The following CNTNAP5 variants were observed in gnomAD, a reference collection of about 807,000 sequenced individuals.
CNTNAP5 encodes the protein contactin associated protein family member 5, also known as contactin-associated protein-like 5.
CNTNAP5 carries 72 observed loss-of-function variants against 150.2 expected under a neutral mutation model. That is an observed-to-expected ratio of 0.48 (90% CI 0.40 to 0.58). The LOEUF is 0.58. CNTNAP5 is among the 20% of genes least tolerant of loss of function. The pLI, the probability that CNTNAP5 is intolerant of heterozygous loss-of-function variation, is 0.00. For synonymous variants in CNTNAP5, 672 were observed against 619.8 expected (o/e 1.08, Z -1.25); for missense variants, 1,636 against 1,626.2 (o/e 1.01, Z -0.10).
At chr2:124,517,022 A>G (rs1694734508) in intron 8 of CNTNAP5, among the ~76,000 whole-genome samples, 3 of 152,188 alleles carry the variant, frequency 2.0e-5, no homozygotes, top group Non-Finnish European at 4.4e-5. Flanking sequence ...CACATGGTGA[A>G]AAAATGTGCT....
At chr2:124,317,224 T>A (rs1183161579) in intron 3 of CNTNAP5, among the ~76,000 whole-genome samples, 1 of 152,148 alleles carries the variant, frequency 6.6e-6, no homozygotes, top group African/African-American at 2.4e-5. Flanking sequence ...GACAACCCAA[T>A]GAATTAATAA....
At chr2:124,403,096 T>C (rs1347691726) in intron 3 of CNTNAP5, among the ~76,000 whole-genome samples, 7 of 152,232 alleles carry the variant, frequency 4.6e-5, no homozygotes, top group Admixed American at 1.3e-4. Flanking sequence ...ACCTCTGTGC[T>C]GCTAGTTCCT....
intron 1 of CNTNAP5, among the ~76,000 whole-genome samples, chr2:124,074,823 CATT>C (rs1444562369): frequency 6.6e-6 from 1 of 152,034 alleles, no homozygotes; most frequent in Admixed American, 6.6e-5. Context: ...CATCTATTGT[CATT>C]ATTATTATGA....
chr2:124,083,829 A>G (rs898538661), intron 1 of CNTNAP5, among the ~76,000 whole-genome samples: 3 of 151,092 alleles, frequency 2.0e-5, no homozygotes, highest in African/African-American at 7.3e-5. Flanking sequence ...TGTTTCAGCT[A>G]TTCTTTTTTT....
At chr2:124,312,649 C>A (rs1573909051) in intron 3 of CNTNAP5, among the ~76,000 whole-genome samples, 1 of 152,376 alleles carries the variant, frequency 6.6e-6, no homozygotes, top group East Asian at 1.9e-4. Flanking sequence ...CGGCTCACTG[C>A]AAGCTCCGCC....
intron 6 of CNTNAP5, among the ~76,000 whole-genome samples, chr2:124,456,874 G>C (rs1274833565): frequency 6.6e-6 from 1 of 152,166 alleles, no homozygotes; most frequent in Non-Finnish European, 1.5e-5. Context: ...GTAGGAGAAT[G>C]AAACTAGATC....
At chr2:124,543,745 G>T (rs536495940) in intron 10 of CNTNAP5, among the ~76,000 whole-genome samples, 2 of 152,170 alleles carry the variant, frequency 1.3e-5, no homozygotes, top group Non-Finnish European at 2.9e-5. Context: ...ATTTGGCTTT[G>T]TCAAACTCTG....
chr2:124,713,302 T>TTTC (rs1679863481), intron 13 of CNTNAP5, among the ~76,000 whole-genome samples: 1 of 101,598 alleles, frequency 9.8e-6, no homozygotes, highest in African/African-American at 3.2e-5. Context: ...TCTTTCTTTC[T>TTTC]TCTTTCTCTT....
At chr2:124,646,563 G>A (rs376105337) in intron 12 of CNTNAP5, among the ~76,000 whole-genome samples, 2 of 152,150 alleles carry the variant, frequency 1.3e-5, no homozygotes, top group Non-Finnish European at 2.9e-5. Flanking sequence ...GATGACAAAA[G>A]CTTTTCAAGT....
Position 124,916,182 on chromosome 2 carries a change from G to A in CNTNAP5, c.*1894G>A, listed in dbSNP as rs1482343288. ...GCATATTCTCTCCTCGAAATTTTCT[G>A]TGGATTTGAGCTCAATCGCTTTATC... On this transcript the variant is annotated 3_prime_UTR_variant, in exon 24 of 24. Transcript: ENST00000682447. 6.6e-6 allele frequency among the ~76,000 whole-genome samples: 1 copy of A among 151,810 alleles called. No individual in the cohort carries two copies. The highest frequency in any genetic ancestry group is 1.5e-5 in the Non-Finnish European group (1 of 67,990).
chr2:124,724,172 AATAATG>A (rs1375449462), intron 13 of CNTNAP5, among the ~76,000 whole-genome samples: 95 of 150,266 alleles, frequency 6.3e-4, no homozygotes, highest in South Asian at 1.3e-3. Context: ...TAATAATAAT[AATAATG>A]ATGATACAGA....
intron 1 of CNTNAP5, among the ~76,000 whole-genome samples, chr2:124,044,957 G>A (rs1189316656): frequency 6.7e-6 from 1 of 150,372 alleles, no homozygotes; most frequent in African/African-American, 2.5e-5. Context: ...CCATCTTCCT[G>A]GAATGTCAAT....
At chr2:124,362,775 C>T (rs919812744) in intron 3 of CNTNAP5, among the ~76,000 whole-genome samples, 2 of 152,196 alleles carry the variant, frequency 1.3e-5, no homozygotes, top group African/African-American at 4.8e-5. Flanking sequence ...GTTCCCTTAG[C>T]TCAACGTACA....
At chr2:124,724,961 T>TATGA (rs1680125921) in intron 13 of CNTNAP5, among the ~76,000 whole-genome samples, 1 of 145,012 alleles carries the variant, frequency 6.9e-6, no homozygotes, top group African/African-American at 2.5e-5. Flanking sequence ...GATTCCACTA[T>TATGA]ATGAATTTCT....
intron 3 of CNTNAP5, among the ~76,000 whole-genome samples, chr2:124,269,602 A>G (rs1416822342): frequency 2.6e-5 from 4 of 152,046 alleles, no homozygotes; most frequent in African/African-American, 9.7e-5. Flanking sequence ...GAACACGGAA[A>G]GTGATAAGAG....
chr2:124,558,893 A>T (rs1442472950), intron 10 of CNTNAP5, among the ~76,000 whole-genome samples: 1 of 152,232 alleles, frequency 6.6e-6, no homozygotes, highest in Non-Finnish European at 1.5e-5. Context: ...ACTCCAGTTT[A>T]CATACTCAGA....
At chr2:124,077,982 A>G (rs1270054153) in intron 1 of CNTNAP5, among the ~76,000 whole-genome samples, 3 of 152,320 alleles carry the variant, frequency 2.0e-5, no homozygotes, top group African/African-American at 7.2e-5. Context: ...AAGTTGCAAG[A>G]AAAATGACAA....
intron 19 of CNTNAP5, among the ~76,000 whole-genome samples, chr2:124,857,015 G>A (rs1193883739): frequency 6.6e-6 from 1 of 152,080 alleles, no homozygotes; most frequent in Non-Finnish European, 1.5e-5. Context: ...GCTGTCCTGG[G>A]GATCTGTGAC....
intron 19 of CNTNAP5, among the ~76,000 whole-genome samples, chr2:124,841,160 C>T (rs974005337): frequency 6.6e-6 from 1 of 151,982 alleles, no homozygotes; most frequent in African/African-American, 2.4e-5. Flanking sequence ...TCTAAGCCAC[C>T]ATTCACAGTA....
Sources: gnomAD v4.1 joint callset for allele counts (sites outside exome capture counted in the v4.1 genomes callset) on GRCh38, gnomAD v4.1.1 for gene constraint, MANE v1.5 for transcripts, NCBI Gene and HGNC (gene_info 2026-07-23, HGNC 2026-07-21) for gene names.